The following ELF4 variants were observed in gnomAD, a reference collection of about 807,000 sequenced individuals.
ELF4 encodes the protein E74 like ETS transcription factor 4.
Under a neutral mutation model 31.7 loss-of-function variants are expected in ELF4, and 10 were observed. That is an observed-to-expected ratio of 0.32 (90% CI 0.19 to 0.54). The LOEUF (loss-of-function observed/expected upper bound fraction) is 0.54, where lower values mean the gene tolerates loss of function less well. ELF4 is among the 20% of genes least tolerant of loss of function. ELF4 has a pLI of 0.95. For missense variants in ELF4, 418 were observed against 522.0 expected (o/e 0.80, Z 1.94); for synonymous variants, 208 against 226.7 (o/e 0.92, Z 0.74).
intron 1 of ELF4, among the ~76,000 whole-genome samples, chrX:130,088,973 A>C (rs1454556063): frequency 9.0e-6 from 1 of 111,135 alleles, no homozygotes; most frequent in African/African-American, 3.3e-5. Flanking sequence ...CCCCTCCCAA[A>C]TGCGCCCTTC....
intron 4 of ELF4, among the ~76,000 whole-genome samples, chrX:130,073,140 G>A (rs1444288929): frequency 8.9e-6 from 1 of 112,458 alleles, no homozygotes; most frequent in East Asian, 2.8e-4. Flanking sequence ...CCAGGCTGGA[G>A]TGCAATAGTG....
In ELF4 at chrX:130,066,963, C is replaced by T; in HGVS notation, c.1750G>A (p.Val584Ile). Residue 584 changes from valine to isoleucine, a missense_variant, in exon 9 of 9, where the codon GTT becomes ATT. By Grantham distance (29) the Val-to-Ile change is conservative. Around this residue, in one of 4 missense-constraint regions of ELF4, gnomAD observed 260 missense variants for 269.2 expected, o/e 0.97. Transcript: ENST00000308167. ...AHLQPLPTQV[V>I]SRGSHNPSLL... ...CTCGGATTGTGGGAACCCCTGGAAA[C>T]CACCTGGGTTGGAAGTGGCTGAAGA... 2 of 1,212,257 alleles carry T rather than the reference C, an allele frequency of 1.6e-6. No homozygotes were observed. The highest frequency in any genetic ancestry group is 2.2e-6 in the Non-Finnish European group (2 of 895,621).
rs777812567 is a variant in ELF4 at position 130,065,263 on chromosome X, G to A, written c.*1458C>T. 7.4e-4 allele frequency: 129 copies of A among 174,100 alleles called. No homozygotes were observed. The highest frequency in any genetic ancestry group is 3.5e-3 in the African/African-American group (119 of 33,959). The allele number at this position is 174,100 out of a possible 1,213,427, so 14.3% of individuals were successfully genotyped here. ...CTCAAACTTGGCAGGAGGGAGGCAA[G>A]CTCGTTTAAAGAAGGGAGAGGGGAG... On this transcript the variant is annotated 3_prime_UTR_variant, in exon 9 of 9. Coordinates refer to ENST00000308167, the MANE Select transcript of ELF4 (RefSeq NM_001421.4).
intron 1 of ELF4, among the ~76,000 whole-genome samples, chrX:130,089,423 C>T (rs988838989): frequency 2.0e-4 from 19 of 95,863 alleles, no homozygotes; most frequent in Non-Finnish European, 3.9e-4. Flanking sequence ...GTGGGAGGAT[C>T]GCTTGAGCCT....
At position 130,069,319 on chromosome X, in the gene ELF4, T is replaced by G; in HGVS notation, c.1168A>C (p.Lys390Gln). 1 of 1,212,107 alleles carries G rather than the reference T, an allele frequency of 8.3e-7. No homozygotes were observed. The change falls in exon 8 of 9, where the codon AAG becomes CAG. Residue 390 changes from lysine (K) to glutamine (Q), a missense_variant. Coordinates refer to ENST00000308167, the MANE Select transcript of ELF4 (RefSeq NM_001421.4). ...MLVSPAEGQV[K>Q]LTKAVSASSV... ...CCTTACCTCACAGCTTTGGTGAGCT[T>G]GACCTGGCCCTCTGCTGGAGAGACG...
At chrX:130,102,884 G>GAAAGAAAGAAAGAA (rs59747310) in intron 1 of ELF4, among the ~76,000 whole-genome samples, 10 of 43,746 alleles carry the variant, frequency 2.3e-4, no homozygotes, top group Admixed American at 8.8e-4. Flanking sequence ...GAGAGAGAGA[G>GAAAGAAAGAAAGAA]AGAAAGAAAG....
intron 1 of ELF4, among the ~76,000 whole-genome samples, chrX:130,105,619 G>A (rs1034531793): frequency 6.3e-5 from 7 of 111,227 alleles, no homozygotes; most frequent in African/African-American, 2.3e-4. Flanking sequence ...TAGCGGTCTG[G>A]GCAGAAACAC....
At chrX:130,068,033 A>C (rs1196988763) in intron 8 of ELF4, among the ~76,000 whole-genome samples, 1 of 111,399 alleles carries the variant, frequency 9.0e-6, no homozygotes, top group Non-Finnish European at 1.9e-5. Flanking sequence ...GCTGGTCTTG[A>C]ACTCCTGACC....
intron 2 of ELF4, among the ~76,000 whole-genome samples, chrX:130,075,810 A>G (rs2124618196): frequency 8.9e-6 from 1 of 111,781 alleles, no homozygotes; most frequent in East Asian, 2.8e-4. Flanking sequence ...GTCTGTGGCA[A>G]TGATAGTGGG....
At chrX:130,102,728 G>A (rs1933285456) in intron 1 of ELF4, among the ~76,000 whole-genome samples, 1 of 107,647 alleles carries the variant, frequency 9.3e-6, no homozygotes, top group Non-Finnish European at 1.9e-5. Flanking sequence ...AAGGTGGTAG[G>A]ATTACTTGAG....
intron 1 of ELF4, among the ~76,000 whole-genome samples, chrX:130,094,755 G>A (rs890604403): frequency 1.7e-4 from 19 of 111,448 alleles, no homozygotes; most frequent in Admixed American, 5.7e-4. Context: ...TAGGGAGAAC[G>A]CCAAGGAAAC....
chrX:130,089,509 CAAA>C (rs777456574), intron 1 of ELF4, among the ~76,000 whole-genome samples: 3 of 19,452 alleles, frequency 1.5e-4, no homozygotes, highest in Non-Finnish European at 2.2e-4. Flanking sequence ...GACCTCAGCT[CAAA>C]AAAAAAAAAA....
In ELF4 at chrX:130,066,025, C is replaced by T. The variant is rs149306204; in HGVS notation, c.*696G>A. ...TTTACCCCACTCGGCCTTTGTGTCC[C>T]TGAGGAGCGCATCTTCCCCAATGTG... is the stretch of plus-strand genomic sequence containing the variant. On this transcript the variant is annotated 3_prime_UTR_variant, in exon 9 of 9. Coordinates refer to ENST00000308167, the MANE Select transcript of ELF4 (RefSeq NM_001421.4). 2.7e-3 allele frequency: 466 copies of T among 173,177 alleles called. 3 individuals carry two copies. Among genetic ancestry groups the T allele is most frequent in the Admixed American group, 0.016 (206 of 12,583 alleles). The allele number at this position is 173,177 out of a possible 1,213,427, so 14.3% of individuals were successfully genotyped here.
chrX:130,111,351 C>T (rs1933487118), upstream of ELF4, among the ~76,000 whole-genome samples: 1 of 112,876 alleles, frequency 8.9e-6, no homozygotes, highest in Non-Finnish European at 1.9e-5. Flanking sequence ...TTCGTCCAGC[C>T]CCCTCGGCCC....
At chrX:130,106,181 C>T (rs73633970) in intron 1 of ELF4, among the ~76,000 whole-genome samples, 6,347 of 107,501 alleles carry the variant, frequency 0.059, 291 homozygotes, top group African/African-American at 0.15. Context: ...AGCCTAGGCC[C>T]GCATCCCTCA....
intron 1 of ELF4, among the ~76,000 whole-genome samples, chrX:130,094,912 T>A (rs1933124393): frequency 1.8e-5 from 2 of 110,732 alleles, no homozygotes. Flanking sequence ...GCGCTTGAGG[T>A]TGGTGCCAGC....
At position 130,067,366 on chromosome X, in the gene ELF4, C is replaced by T. The variant is rs761961317; in HGVS notation, c.1347G>A (p.Ala449=). 2.0e-5 allele frequency: 24 copies of T among 1,210,420 alleles called. No homozygotes were observed. The Admixed American group carries it at 4.1e-4, about 21-fold the overall frequency. ...PTQLVLQSVP[A]ASTFKDTFTL... ...TGAAGGTGTCCTTGAAAGTAGAGGC[C>T]GCTGGAACACTCTGGAGAACGAGCT... is the stretch of plus-strand genomic sequence containing the variant. The change falls in exon 9 of 9, where the codon GCG becomes GCA. Residue 449 remains alanine (A), a synonymous_variant. Coordinates refer to ENST00000308167, the MANE Select transcript of ELF4 (RefSeq NM_001421.4).
At chrX:130,089,896 C>T (rs927476878) in intron 1 of ELF4, among the ~76,000 whole-genome samples, 5 of 112,050 alleles carry the variant, frequency 4.5e-5, no homozygotes, top group Admixed American at 9.4e-5. Context: ...GTCAGGAGTT[C>T]GAGATCAGCC....
chrX:130,080,664 A>C (rs1403657335), intron 2 of ELF4, among the ~76,000 whole-genome samples: 2 of 111,043 alleles, frequency 1.8e-5, no homozygotes, highest in Admixed American at 1.9e-4. Context: ...AGTGTAGGGA[A>C]GGTATGGAGC....
Sources: allele counts gnomAD v4.1 joint callset (sites outside exome capture counted in the v4.1 genomes callset), GRCh38; gene constraint gnomAD v4.1.1; regional missense constraint gnomAD v4.1.1; transcripts MANE v1.5; gene names NCBI Gene and HGNC (gene_info 2026-07-23, HGNC 2026-07-21).